MYO5B: variants seen among roughly 807,000 people sequenced by gnomAD.
MYO5B encodes the protein unconventional myosin-Vb.
MYO5B carries 143 observed loss-of-function variants against 229.3 expected under a neutral mutation model. The observed-to-expected ratio is 0.62, with a 90% CI of 0.54 to 0.72. MYO5B has a LOEUF of 0.72. Ranked by LOEUF, MYO5B falls within the 30% of genes least tolerant of loss-of-function variation. MYO5B has a pLI of 0.00. For missense variants in MYO5B, 2,321 were observed against 2,331.0 expected (o/e 1.00, Z 0.09); for synonymous variants, 918 against 885.2 (o/e 1.04, Z -0.66).
intron 14 of MYO5B, among the ~76,000 whole-genome samples, chr18:49,949,903 A>G (rs1264727169): frequency 6.6e-6 from 1 of 152,230 alleles, no homozygotes; most frequent in Admixed American, 6.5e-5. Flanking sequence ...AAATAGACTC[A>G]TCACTCAGTA....
chr18:49,952,324 T>C (rs2025438970), intron 14 of MYO5B, among the ~76,000 whole-genome samples: 1 of 152,216 alleles, frequency 6.6e-6, no homozygotes. Context: ...GAAAGCCTCC[T>C]AAATCCTGGG....
chr18:49,863,247 G>A lies in MYO5B; in HGVS notation c.3924C>T (p.His1308=), dbSNP rs375956613. ...VDQEDAIEAY[H]GVCQTNSKTE... ...CTTACCTGTTTGTCTGGCAGACCCC[G>A]TGATAGGCCTCAATGGCATCCTCCT... Residue 1308 remains histidine, a synonymous_variant, in exon 29 of 40, where the codon CAC becomes CAT. Transcript: ENST00000285039. The A allele has an allele frequency of 5.5e-5, 88 of 1,613,088 alleles. No homozygotes were observed. The highest frequency in any genetic ancestry group is 6.9e-5 in the Non-Finnish European group (81 of 1,179,928).
intron 1 of MYO5B, among the ~76,000 whole-genome samples, chr18:50,161,251 GC>G (rs2032760364): frequency 6.6e-6 from 1 of 152,166 alleles, no homozygotes. Flanking sequence ...GGGCATGGTG[GC>G]ACATGCCTGT....
At chr18:49,866,114 G>A (rs530254306) in intron 27 of MYO5B, among the ~76,000 whole-genome samples, 2 of 152,306 alleles carry the variant, frequency 1.3e-5, no homozygotes, top group South Asian at 2.1e-4. Flanking sequence ...TGTCGCCCAG[G>A]CTGGAGTGCA....
intron 1 of MYO5B, among the ~76,000 whole-genome samples, chr18:50,136,850 A>G (rs2144279962): frequency 1.3e-5 from 2 of 152,328 alleles, no homozygotes; most frequent in Middle Eastern, 3.4e-3. Flanking sequence ...GGCATTCAAT[A>G]AATTACCATT....
chr18:50,150,013 G>C lies in MYO5B; in HGVS notation c.27+44754C>G, dbSNP rs1184424325. On this transcript the variant is annotated intron_variant, in intron 1 of 39. Coordinates refer to ENST00000285039, the MANE Select transcript of MYO5B (RefSeq NM_001080467.3). ...AAAAAACAAACAACCCCATCAAAAA[G>C]TGGGCGAAGGACATGAACAGACACT... is the stretch of plus-strand genomic sequence containing the variant. Among the ~76,000 whole-genome samples the C allele has an allele frequency of 8.5e-4, 128 of 149,804 alleles. 1 individual carries two copies. The highest frequency in any genetic ancestry group is 3.0e-3 in the African/African-American group (121 of 40,602).
intron 26 of MYO5B, among the ~76,000 whole-genome samples, chr18:49,875,108 C>T (rs2024502908): frequency 6.6e-6 from 1 of 152,186 alleles, no homozygotes; most frequent in East Asian, 1.9e-4. Flanking sequence ...TGGCATAGTT[C>T]TGAATGCAGC....
chr18:50,095,135 C>A (rs2031525369), intron 1 of MYO5B, among the ~76,000 whole-genome samples: 1 of 152,188 alleles, frequency 6.6e-6, no homozygotes, highest in South Asian at 2.1e-4. Context: ...TGGCCGAAAT[C>A]CATCAACATT....
chr18:49,950,098 G>A (rs2025416582), intron 14 of MYO5B, among the ~76,000 whole-genome samples: 1 of 152,170 alleles, frequency 6.6e-6, no homozygotes, highest in African/African-American at 2.4e-5. Flanking sequence ...GTCTGAAACA[G>A]GCTAGGAGGG....
intron 1 of MYO5B, among the ~76,000 whole-genome samples, chr18:50,095,328 G>A (rs1182228305): frequency 6.6e-6 from 1 of 152,126 alleles, no homozygotes; most frequent in African/African-American, 2.4e-5. Context: ...AATAGAAGTG[G>A]ATGTAATTCC....
chr18:49,948,925 G>C (rs1296556538), intron 14 of MYO5B, among the ~76,000 whole-genome samples: 2 of 152,170 alleles, frequency 1.3e-5, no homozygotes, highest in Non-Finnish European at 1.5e-5. Flanking sequence ...CCCTGTCATT[G>C]AGACTGCACT....
At chr18:49,945,534 C>T (rs768565481) in intron 14 of MYO5B, among the ~76,000 whole-genome samples, 1 of 152,026 alleles carries the variant, frequency 6.6e-6, no homozygotes, top group Non-Finnish European at 1.5e-5. Flanking sequence ...ACTACAGTCA[C>T]CGAAAGCGTG....
intron 1 of MYO5B, among the ~76,000 whole-genome samples, chr18:50,147,230 C>T (rs553151868): frequency 6.6e-6 from 1 of 152,314 alleles, no homozygotes; most frequent in East Asian, 1.9e-4. Flanking sequence ...AGTGGCTTCT[C>T]TTCTTCCAAC....
At chr18:49,959,305 C>T (rs1276088058) in intron 12 of MYO5B, among the ~76,000 whole-genome samples, 2 of 152,134 alleles carry the variant, frequency 1.3e-5, no homozygotes, top group African/African-American at 2.4e-5. Flanking sequence ...TGCACTATTC[C>T]GTGAACATGT....
chr18:49,849,135 A>C (rs2024168176), intron 32 of MYO5B, among the ~76,000 whole-genome samples: 1 of 152,104 alleles, frequency 6.6e-6, no homozygotes, highest in Non-Finnish European at 1.5e-5. Context: ...AGAGTGATTT[A>C]AATCTCTACC....
At chr18:50,100,159 T>C (rs533699996) in intron 1 of MYO5B, among the ~76,000 whole-genome samples, 50 of 152,254 alleles carry the variant, frequency 3.3e-4, no homozygotes, top group Non-Finnish European at 6.5e-4. Flanking sequence ...TATTTTCTTT[T>C]CTACATGAGC....
chr18:49,936,277 G>A lies in MYO5B; in HGVS notation c.1978C>T (p.Pro660Ser). 6.2e-7 allele frequency: 1 copy of A among 1,602,270 alleles called. No individual in the cohort carries two copies. Among genetic ancestry groups the A allele is most frequent in the Non-Finnish European group, 8.5e-7 (1 of 1,173,862 alleles). ...TTPHYVRCIK[P>S]NDEKLPFHFD... ...TGAAAGGGGAGCTTCTCATCGTTGG[G>A]CTTGATGCAGCGGACATAGTGAGGT... Residue 660 changes from proline to serine, a missense_variant, in exon 16 of 40, where the codon CCC (proline) becomes TCC (serine). Physicochemically the swap from Pro to Ser is moderately conservative, Grantham distance 74 (BLOSUM62 -1). Coordinates refer to ENST00000285039, the MANE Select transcript of MYO5B (RefSeq NM_001080467.3).
At position 49,962,358 on chromosome 18, in the gene MYO5B, A is replaced by C; in HGVS notation, c.1453T>G (p.Trp485Gly). ...QEEYMKEQIP[W>G]TLIDFYDNQP... is the part of the protein sequence containing the mutation. ...TTATCATAAAAATCAATCAGGGTCCAAGGGATCTGTTCCTTCATGTATTCT... is the reference window on the plus strand; with the variant it reads ...TTATCATAAAAATCAATCAGGGTCCCAGGGATCTGTTCCTTCATGTATTCT... The change falls in exon 12 of 40, where the codon TGG becomes GGG. Residue 485 changes from tryptophan (W) to glycine (G), a missense_variant. Trp to Gly is a radical substitution (Grantham distance 184). Transcript: ENST00000285039. 6.2e-7 allele frequency: 1 copy of C among 1,614,214 alleles called. No individual in the cohort carries two copies. The highest frequency in any genetic ancestry group is 8.5e-7 in the Non-Finnish European group (1 of 1,180,022).
intron 4 of MYO5B, among the ~76,000 whole-genome samples, chr18:50,033,536 C>T (rs2026413557): frequency 1.3e-5 from 2 of 152,134 alleles, no homozygotes; most frequent in South Asian, 4.1e-4. Flanking sequence ...CAGTATTGAG[C>T]CTATCAAATA....
Sources: gnomAD v4.1 joint callset for allele counts (sites outside exome capture counted in the v4.1 genomes callset) on GRCh38, gnomAD v4.1.1 for gene constraint, MANE v1.5 for transcripts, NCBI Gene and HGNC (gene_info 2026-07-23, HGNC 2026-07-21) for gene names.